The following STK3 variants were observed in gnomAD, a reference collection of about 807,000 sequenced individuals.
STK3 encodes serine/threonine kinase 3, also known as serine/threonine-protein kinase 3.
STK3 carries 41 observed loss-of-function variants against 58.0 expected under a neutral mutation model. The observed-to-expected ratio is 0.71, with a 90% CI of 0.55 to 0.92. The LOEUF (loss-of-function observed/expected upper bound fraction) is 0.92. Among genes scored for constraint, STK3 ranks in the 40% least tolerant of loss-of-function variants. The pLI, the probability that STK3 is intolerant of heterozygous loss-of-function variation, is 0.00. For synonymous variants in STK3, 170 were observed against 191.0 expected (o/e 0.89, Z 0.91); for missense variants, 479 against 602.7 (o/e 0.79, Z 2.15).
chr8:98,927,835 A>G (rs1010577111), intron 1 of STK3, among the ~76,000 whole-genome samples: 4 of 152,234 alleles, frequency 2.6e-5, no homozygotes, highest in African/African-American at 9.6e-5. Flanking sequence ...TGTCTGCAGT[A>G]GAAGAGAATG....
chr8:98,940,246 A>G (rs1261601288), intron 1 of STK3, among the ~76,000 whole-genome samples: 5 of 152,144 alleles, frequency 3.3e-5, no homozygotes, highest in Admixed American at 3.3e-4. Flanking sequence ...CTCACGCTCC[A>G]GGGTCGCGGA....
At chr8:98,602,292 C>T (rs905358794) in intron 6 of STK3, 33 of 152,288 alleles carry the variant, frequency 2.2e-4, no homozygotes, top group African/African-American at 5.3e-4. Context: ...CTTTGGGAGG[C>T]GATTAGGTCA....
chr8:98,416,280 C>A (rs1037137679), intron 3 of STK3, among the ~76,000 whole-genome samples: 2 of 149,808 alleles, frequency 1.3e-5, no homozygotes, highest in Non-Finnish European at 3.0e-5. Flanking sequence ...GCTTTGACAT[C>A]TTTTATTTTT....
At chr8:98,527,173 A>T (rs990398480) in intron 9 of STK3, among the ~76,000 whole-genome samples, 3 of 152,232 alleles carry the variant, frequency 2.0e-5, no homozygotes, top group Non-Finnish European at 4.4e-5. Context: ...GAAGTTTAGT[A>T]AAATCATTAT....
At chr8:98,828,604 AAGAG>A (rs894984881), upstream of STK3, among the ~76,000 whole-genome samples, 8 of 151,700 alleles carry the variant, frequency 5.3e-5, no homozygotes, top group Non-Finnish European at 7.4e-5. Context: ...GAAAGAAAGA[AAGAG>A]AGAGAGAGGG....
chr8:98,792,069 A>G (rs535313550), intron 1 of STK3, among the ~76,000 whole-genome samples: 29 of 152,352 alleles, frequency 1.9e-4, no homozygotes, highest in African/African-American at 7.0e-4. Context: ...CATCTGACAA[A>G]GGACTAATAT....
At chr8:98,790,840 T>A (rs1832758658) in intron 1 of STK3, among the ~76,000 whole-genome samples, 1 of 151,866 alleles carries the variant, frequency 6.6e-6, no homozygotes, top group African/African-American at 2.4e-5. Flanking sequence ...AAAACTTAGT[T>A]GGGCATGGTG....
upstream of STK3, among the ~76,000 whole-genome samples, chr8:98,389,143 T>G (rs1450268542): frequency 6.6e-6 from 1 of 152,206 alleles, no homozygotes; most frequent in African/African-American, 2.4e-5. Flanking sequence ...CTCAGAATAT[T>G]CTCCTCTCTC....
intron 4 of STK3, among the ~76,000 whole-genome samples, chr8:98,731,502 G>A (rs1190711183): frequency 2.0e-5 from 3 of 152,020 alleles, no homozygotes; most frequent in Admixed American, 6.5e-5. Flanking sequence ...GGAGGATCAC[G>A]AGGTCAGGAG....
At chr8:98,562,736 TGAAAAAAAAA>T (rs1812151107) in intron 8 of STK3, among the ~76,000 whole-genome samples, 1 of 11,312 alleles carries the variant, frequency 8.8e-5, no homozygotes. Flanking sequence ...CCACAAAAAA[TGAAAAAAAAA>T]AAAAAAAAAA....
At chr8:98,524,148 G>A (rs1021182267) in intron 10 of STK3, among the ~76,000 whole-genome samples, 2 of 152,158 alleles carry the variant, frequency 1.3e-5, no homozygotes, top group South Asian at 2.1e-4. Flanking sequence ...CATCCTTGCC[G>A]AAAATCATTT....
Position 98,698,286 on chromosome 8 carries a change from C to A in STK3, c.684+8181G>T, listed in dbSNP as rs557017345. On this transcript the variant is annotated intron_variant, in intron 6 of 10. Coordinates refer to ENST00000419617, the MANE Select transcript of STK3 (RefSeq NM_006281.4). Reference sequence around the variant, plus strand: ...GCACGTGAGATGGGTTTCCTGAATACAGCACACTGATGGGTCTTGACTCTT... The same window carrying A: ...GCACGTGAGATGGGTTTCCTGAATAAAGCACACTGATGGGTCTTGACTCTT... Among the ~76,000 whole-genome samples the A allele has an allele frequency of 9.6e-4, 146 of 151,714 alleles. 1 individual carries two copies. Among genetic ancestry groups the A allele is most frequent in the Admixed American group, 2.1e-3 (32 of 15,214 alleles).
At chr8:98,718,521 A>C (rs1267619417) in intron 4 of STK3, among the ~76,000 whole-genome samples, 2 of 152,194 alleles carry the variant, frequency 1.3e-5, no homozygotes, top group Non-Finnish European at 2.9e-5. Flanking sequence ...ACCATCCAAC[A>C]GAGTAACCAC....
intron 4 of STK3, among the ~76,000 whole-genome samples, chr8:98,719,460 C>T (rs2131174005): frequency 6.6e-6 from 1 of 152,280 alleles, no homozygotes; most frequent in South Asian, 2.1e-4. Flanking sequence ...AATAAACTGA[C>T]TGTACTTCAG....
intron 6 of STK3, among the ~76,000 whole-genome samples, chr8:98,700,995 T>C (rs1825554401): frequency 1.3e-5 from 2 of 151,986 alleles, no homozygotes; most frequent in African/African-American, 4.8e-5. Context: ...ACAGCGAGAA[T>C]CCATCAAGGA....
intron 1 of STK3, among the ~76,000 whole-genome samples, chr8:98,898,345 ACCT>A (rs1022360815): frequency 1.5e-4 from 23 of 152,254 alleles, no homozygotes; most frequent in African/African-American, 5.1e-4. Flanking sequence ...GAGGCTTTTA[ACCT>A]CCTGCATACC....
intron 10 of STK3, among the ~76,000 whole-genome samples, chr8:98,507,307 C>T (rs192575429): frequency 1.3e-5 from 2 of 152,242 alleles, no homozygotes; most frequent in African/African-American, 4.8e-5. Context: ...CACAGTCTTC[C>T]CCAGTTCAGT....
chr8:98,557,145 G>A (rs1165704853), intron 8 of STK3, among the ~76,000 whole-genome samples: 1 of 152,040 alleles, frequency 6.6e-6, no homozygotes, highest in South Asian at 2.1e-4. Context: ...GGAAAACTAG[G>A]GTAAGAATCT....
At chr8:98,869,803 C>T (rs1564073006) in intron 3 of STK3, among the ~76,000 whole-genome samples, 5 of 148,526 alleles carry the variant, frequency 3.4e-5, no homozygotes, top group African/African-American at 4.9e-5. Context: ...AGAAGATTTT[C>T]TTTTTTTTTT....
Sources: allele counts gnomAD v4.1 joint callset (sites outside exome capture counted in the v4.1 genomes callset), GRCh38; gene constraint gnomAD v4.1.1; transcripts MANE v1.5; gene names NCBI Gene and HGNC (gene_info 2026-07-23, HGNC 2026-07-21).